Variants in TMEM69 observed in about 807,000 individuals in gnomAD.
TMEM69 encodes the protein transmembrane protein 69.
TMEM69 carries 17 observed loss-of-function variants against 15.8 expected under a neutral mutation model. The observed-to-expected ratio is 1.07, with a 90% CI of 0.73 to 1.61. The LOEUF (loss-of-function observed/expected upper bound fraction) is 1.61. Among genes scored for constraint, TMEM69 ranks in the 40% most tolerant of loss-of-function variants. The pLI, the probability that TMEM69 is intolerant of heterozygous loss-of-function variation, is 0.00. For synonymous variants in TMEM69, 80 were observed against 98.6 expected (o/e 0.81, Z 1.12); for missense variants, 230 against 286.1 (o/e 0.80, Z 1.41).
chr1:45,692,222 G>T (rs1198238812), intron 2 of TMEM69, among the ~76,000 whole-genome samples: 2 of 152,170 alleles, frequency 1.3e-5, no homozygotes, highest in Non-Finnish European at 2.9e-5. Flanking sequence ...AGGGCAATAG[G>T]TAGTGTCAAG....
At chr1:45,691,766 A>G (rs369123385) in intron 2 of TMEM69, among the ~76,000 whole-genome samples, 15 of 116,604 alleles carry the variant, frequency 1.3e-4, no homozygotes, top group African/African-American at 4.2e-4. Flanking sequence ...ACTTGAACCC[A>G]GGAAGCAAAG....
chr1:45,688,611 A>G (rs1645319716), intron 1 of TMEM69, among the ~76,000 whole-genome samples: 1 of 152,136 alleles, frequency 6.6e-6, no homozygotes, highest in South Asian at 2.1e-4. Flanking sequence ...AGCACGTGCC[A>G]CAGAGGAAAG....
chr1:45,692,781 T>C (rs1309983185), intron 2 of TMEM69, among the ~76,000 whole-genome samples: 1 of 152,184 alleles, frequency 6.6e-6, no homozygotes, highest in African/African-American at 2.4e-5. Context: ...AGTTGGAAGG[T>C]AGATTTATTT....
chr1:45,691,205 A>G lies in TMEM69; in HGVS notation c.42+95A>G, dbSNP rs193298114. 8.7e-4 allele frequency: 894 copies of G among 1,032,144 alleles called. 4 individuals are homozygous for G. The highest frequency in any genetic ancestry group is 2.3e-3 in the East Asian group (91 of 40,032). The allele number at this position is 1,032,144 out of a possible 1,614,324, so 63.9% of individuals were successfully genotyped here. On this transcript the variant is annotated intron_variant, in intron 2 of 2. Transcript: ENST00000372025. ...AAAAGACAAAAATCCTTACCCTTGT[A>G]TATTCAGGTGATGGAGGGAAGAGTT...
At position 45,693,889 on chromosome 1, in the gene TMEM69, G is replaced by A. The variant is rs748636972; in HGVS notation, c.728G>A (p.Arg243Lys). Residue 243 changes from arginine to lysine, a missense_variant, in exon 3 of 3, where the codon AGA (arginine) becomes AAA (lysine). Coordinates refer to ENST00000372025, the MANE Select transcript of TMEM69 (RefSeq NM_016486.4). ...AGTTTTCCAGAAAAAGGACATAAGAGACCTGGTCAAGTATAAAAAATATAA... is the reference window on the plus strand; with the variant it reads ...AGTTTTCCAGAAAAAGGACATAAGAAACCTGGTCAAGTATAAAAAATATAA... ...KSSFPEKGHK[R>K]PGQV 1 of 1,597,970 alleles carries A rather than the reference G, an allele frequency of 6.3e-7. No homozygotes were observed. The highest frequency in any genetic ancestry group is 1.3e-5 in the African/African-American group (1 of 74,152).
At chr1:45,690,492 A>G (rs1230516941) in intron 1 of TMEM69, among the ~76,000 whole-genome samples, 1 of 152,016 alleles carries the variant, frequency 6.6e-6, no homozygotes, top group Non-Finnish European at 1.5e-5. Flanking sequence ...ACACAGCAAG[A>G]CTCTTGTCTC....
In TMEM69 at chr1:45,690,228, G is replaced by C. The variant is rs573794724; in HGVS notation, c.-95-746G>C. On this transcript the variant is annotated intron_variant, in intron 1 of 2. Transcript: ENST00000372025. ...TTAAATGAGTTAATGCTCACCGGGC[G>C]CGGTGGCTCATGCCTGTAATCCCAA... 2.0e-5 allele frequency among the ~76,000 whole-genome samples: 3 copies of C among 152,194 alleles called. No individual in the cohort carries two copies. The South Asian group carries it at 6.2e-4, about 32-fold the overall frequency.
Position 45,691,062 on chromosome 1 carries a change from G to A in TMEM69, c.-7G>A. On this transcript the variant is annotated 5_prime_UTR_variant, in exon 2 of 3. Transcript: ENST00000372025. ...CTTCCTGAACAAGACTTTCAATAGG[G>A]GCCAGTATGCTTCGCTTCATCCAGA... is the stretch of plus-strand genomic sequence containing the variant. 4 of 1,614,124 alleles carry A rather than the reference G, an allele frequency of 2.5e-6. No individual in the cohort carries two copies. The highest frequency in any genetic ancestry group is 3.4e-6 in the Non-Finnish European group (4 of 1,180,010).
rs1557732378 is a variant in TMEM69 at position 45,693,489 on chromosome 1, G to A, written c.328G>A (p.Ala110Thr). 6.2e-7 allele frequency: 1 copy of A among 1,614,162 alleles called. No individual in the cohort carries two copies. The change falls in exon 3 of 3, where the codon GCT becomes ACT. Residue 110 changes from alanine (A) to threonine (T), a missense_variant. By Grantham distance (58) the Ala-to-Thr change is moderately conservative. Transcript: ENST00000372025. ...TCTGGCAGGACTAATCCCCTTCGTT[G>A]CTCCACCACTGGTCATGCTGATGAC... Reference protein sequence around the residue: ...VTLAGLIPFVAPPLVMLMTKT... With the variant: ...VTLAGLIPFVTPPLVMLMTKT...
At chr1:45,691,790 G>A (rs1019150009) in intron 2 of TMEM69, among the ~76,000 whole-genome samples, 8 of 112,516 alleles carry the variant, frequency 7.1e-5, no homozygotes, top group African/African-American at 1.6e-4. Flanking sequence ...GCAGTGAGCC[G>A]AGATTGTGCC....
intron 2 of TMEM69, among the ~76,000 whole-genome samples, chr1:45,692,311 A>G (rs1261306911): frequency 6.6e-6 from 1 of 152,166 alleles, no homozygotes; most frequent in East Asian, 1.9e-4. Flanking sequence ...GAAACAGGGA[A>G]ATGGTTCCAA....
chr1:45,691,967 G>A (rs1645347750), intron 2 of TMEM69, among the ~76,000 whole-genome samples: 1 of 118,838 alleles, frequency 8.4e-6, no homozygotes, highest in African/African-American at 3.0e-5. Context: ...GGACAACATG[G>A]TGAAACCCTG....
At chr1:45,692,181 G>A (rs1423770975) in intron 2 of TMEM69, among the ~76,000 whole-genome samples, 2 of 151,996 alleles carry the variant, frequency 1.3e-5, no homozygotes, top group African/African-American at 4.8e-5. Context: ...ACATCAACTG[G>A]TAAATGCTGT....
At chr1:45,689,497 G>T (rs1172993496) in intron 1 of TMEM69, among the ~76,000 whole-genome samples, 2 of 151,846 alleles carry the variant, frequency 1.3e-5, no homozygotes, top group African/African-American at 4.8e-5. Context: ...CTTGAGCTCA[G>T]GAGTTCAAGA....
Position 45,689,470 on chromosome 1 carries a change from C to G in TMEM69, c.-96+1195C>G, listed in dbSNP as rs182568125. Among the ~76,000 whole-genome samples, 106 of 152,184 alleles carry G rather than the reference C, an allele frequency of 7.0e-4. 1 individual carries two copies. In the East Asian group the frequency reaches 0.014, roughly 21 times the overall value. Reference sequence around the variant, plus strand: ...CCTGCAATCCCAGCACTTTGGGAGGCCGAGGCAGGTGGATTGCTTGAGCTC... The same window carrying G: ...CCTGCAATCCCAGCACTTTGGGAGGGCGAGGCAGGTGGATTGCTTGAGCTC... On this transcript the variant is annotated intron_variant, in intron 1 of 2. Coordinates refer to ENST00000372025, the MANE Select transcript of TMEM69 (RefSeq NM_016486.4).
At chr1:45,688,317 T>C (rs951298002) in intron 1 of TMEM69, 42 bp downstream of exon 1, 1 of 151,898 alleles carries the variant, frequency 6.6e-6, no homozygotes, top group South Asian at 2.1e-4. Context: ...GGTAGTAAAT[T>C]TGCGACGTTG....
chr1:45,693,061 T>C lies in TMEM69; in HGVS notation c.43-143T>C, dbSNP rs1347413712. 26 of 593,252 alleles carry C rather than the reference T, an allele frequency of 4.4e-5. 1 individual carries two copies. Among genetic ancestry groups the C allele is most frequent in the Non-Finnish European group, 7.4e-5 (25 of 339,924 alleles). 36.7% of individuals were successfully genotyped at this position (593,252 alleles called of 1,614,324 possible). A position where few individuals can be genotyped will look rare whatever the true frequency, so the allele number is the denominator to read the frequency against. On this transcript the variant is annotated intron_variant, in intron 2 of 2. Transcript: ENST00000372025. ...GAGTTATTAGTTCATCCTTTCTGTA[T>C]AGTTTGATGTGGTAATGGAAAGCAG...
intron 1 of TMEM69, among the ~76,000 whole-genome samples, chr1:45,690,694 A>G (rs1645338970): frequency 6.6e-6 from 1 of 152,114 alleles, no homozygotes; most frequent in African/African-American, 2.4e-5. Flanking sequence ...TAAAGATGAG[A>G]AAACCAGTAC....
intron 2 of TMEM69, among the ~76,000 whole-genome samples, chr1:45,692,311 A>C (rs1261306911): frequency 6.6e-6 from 1 of 152,166 alleles, no homozygotes; most frequent in Non-Finnish European, 1.5e-5. Flanking sequence ...GAAACAGGGA[A>C]ATGGTTCCAA....
Sources: gnomAD v4.1 joint callset for allele counts (sites outside exome capture counted in the v4.1 genomes callset) on GRCh38, gnomAD v4.1.1 for gene constraint, MANE v1.5 for transcripts, NCBI Gene and HGNC (gene_info 2026-07-23, HGNC 2026-07-21) for gene names.